TMCC2: variants seen among roughly 807,000 people sequenced by gnomAD.
TMCC2 encodes transmembrane and coiled-coil domain family 2.
A neutral mutation model predicts 49.4 loss-of-function variants in TMCC2; 16 were observed. The observed-to-expected ratio is 0.32, with a 90% confidence interval of 0.22 to 0.49. TMCC2 has a LOEUF of 0.49. Ranked by LOEUF, TMCC2 falls within the 20% of genes least tolerant of loss-of-function variation. TMCC2 has a pLI of 0.99. For missense variants in TMCC2, 762 were observed against 989.8 expected (o/e 0.77, Z 3.09); for synonymous variants, 397 against 434.1 (o/e 0.91, Z 1.06).
chr1:205,271,721 T>TA, intron 4 of TMCC2, 92 bp from the exon 5 acceptor site: 1 of 1,495,584 alleles, frequency 6.7e-7, no homozygotes, highest in Non-Finnish European at 8.9e-7. Flanking sequence ...GAGACTTCGT[T>TA]ATAGGCACCT....
chr1:205,262,975 T>G (rs1661175931), intron 2 of TMCC2, among the ~76,000 whole-genome samples: 1 of 152,040 alleles, frequency 6.6e-6, no homozygotes, highest in South Asian at 2.1e-4. Flanking sequence ...AGGGAGTTAA[T>G]TCAGATGGAA....
chr1:205,240,810 A>C (rs1023043856), intron 1 of TMCC2, among the ~76,000 whole-genome samples: 8 of 152,212 alleles, frequency 5.3e-5, no homozygotes, highest in Non-Finnish European at 1.0e-4. Flanking sequence ...TTTATCAGGA[A>C]AGCAAAAGTG....
chr1:205,246,819 A>T (rs770739485), intron 2 of TMCC2: 43 of 929,932 alleles, frequency 4.6e-5, no homozygotes, highest in Non-Finnish European at 6.9e-5. Flanking sequence ...TAGGGCTCCC[A>T]TGAAGACCTC....
At position 205,246,486 on chromosome 1, in the gene TMCC2, A is replaced by G. The variant is rs1011204372; in HGVS notation, c.747+4442A>G. On this transcript the variant is annotated intron_variant, in intron 2 of 4. Transcript: ENST00000358024. ...TGTCAGCATATAGATAGTATTTAAA[A>G]TGATGGGACTGAACCATTTGCAAGC... The G allele has an allele frequency of 3.5e-6, 5 of 1,445,106 alleles. No homozygotes were observed. In the African/African-American group the frequency reaches 7.2e-5, roughly 21 times the overall value. The allele number at this position is 1,445,106 out of a possible 1,614,324, so 89.5% of individuals were successfully genotyped here. A position where few individuals can be genotyped will look rare whatever the true frequency, so the allele number is the denominator to read the frequency against.
At chr1:205,267,425 C>T (rs1271611452) in intron 2 of TMCC2, among the ~76,000 whole-genome samples, 4 of 152,100 alleles carry the variant, frequency 2.6e-5, no homozygotes, top group Non-Finnish European at 5.9e-5. Flanking sequence ...ATATATCTGA[C>T]CACACCCCTG....
chr1:205,265,576 T>G (rs887279009), intron 2 of TMCC2, among the ~76,000 whole-genome samples: 3 of 151,638 alleles, frequency 2.0e-5, no homozygotes, highest in Non-Finnish European at 4.4e-5. Context: ...TTTTTTTTTT[T>G]TTTGAGACGG....
At chr1:205,229,219 C>T in intron 1 of TMCC2, 1 of 858,748 alleles carries the variant, frequency 1.2e-6, no homozygotes, top group Non-Finnish European at 1.4e-6. Context: ...GACGGAGTCT[C>T]GTTCTGTCGC....
chr1:205,240,805 C>T (rs956129721), intron 1 of TMCC2, among the ~76,000 whole-genome samples: 1 of 152,166 alleles, frequency 6.6e-6, no homozygotes, highest in African/African-American at 2.4e-5. Flanking sequence ...GTGCCTTTAT[C>T]AGGAAAGCAA....
Position 205,241,800 on chromosome 1 carries a change from A to G in TMCC2, c.503A>G (p.His168Arg). The G allele has an allele frequency of 6.2e-7, 1 of 1,608,006 alleles. No individual in the cohort carries two copies. Among genetic ancestry groups the G allele is most frequent in the Non-Finnish European group, 8.5e-7 (1 of 1,178,038 alleles). The change falls in exon 2 of 5, where the codon CAC becomes CGC. Residue 168 changes from histidine (H) to arginine (R), a missense_variant. By Grantham distance (29) the His-to-Arg change is conservative (BLOSUM62 0). Around this residue, in one of 2 missense-constraint regions of TMCC2, gnomAD observed 322 missense variants for 353.1 expected, o/e 0.91. Transcript: ENST00000358024. The surrounding 1 kb of genome is among the most constrained non-coding windows in gnomAD (Gnocchi z 7.3). ...TCCATCAAGCGGGGCGCCAGCCTGC[A>G]CAGCAGCAGTGGGGGCGGCAGCAGC... ...RPSIKRGASL[H>R]SSSGGGSSGS...
At chr1:205,271,695 C>A in intron 4 of TMCC2, 118 bp from the exon 5 acceptor site, 1 of 1,355,168 alleles carries the variant, frequency 7.4e-7, no homozygotes, top group Non-Finnish European at 9.9e-7. Context: ...CTCCACTCCT[C>A]CTGGCCTTTG....
In TMCC2 at chr1:205,228,641, C is replaced by G. The variant is rs779056134; in HGVS notation, c.77C>G (p.Ser26Cys). The change falls in exon 1 of 5, where the codon TCC becomes TGC. Residue 26 changes from serine to cysteine, a missense_variant. By Grantham distance (112) the Ser-to-Cys change is moderately radical (BLOSUM62 -1). This residue lies in a region of TMCC2 where 322 missense variants were observed against 353.1 expected (regional missense o/e 0.91). Coordinates refer to ENST00000358024, the MANE Select transcript of TMCC2 (RefSeq NM_014858.4). ...GGAGCTGGGCTGGAAGATGCCGCTT[C>G]CCACCTGCCGGGCGCGGACCTCCGG... is the stretch of plus-strand genomic sequence containing the variant. ...EDGAGLEDAASHLPGADLRPG... is the reference protein window; with the variant it reads ...EDGAGLEDAACHLPGADLRPG... The G allele has an allele frequency of 6.2e-7, 1 of 1,613,130 alleles. No homozygotes were observed. Among genetic ancestry groups the G allele is most frequent in the African/African-American group, 1.3e-5 (1 of 74,906 alleles).
At chr1:205,229,450 T>C (rs1359645270) in intron 1 of TMCC2, among the ~76,000 whole-genome samples, 1 of 147,930 alleles carries the variant, frequency 6.8e-6, no homozygotes, top group Non-Finnish European at 1.5e-5. Flanking sequence ...CCTTCCTAAG[T>C]GCTGGGATTA....
intron 2 of TMCC2, among the ~76,000 whole-genome samples, chr1:205,263,178 G>A (rs1185090944): frequency 1.3e-5 from 2 of 152,150 alleles, no homozygotes; most frequent in African/African-American, 4.8e-5. Flanking sequence ...AGACGGGGCT[G>A]GGTGGGCAAG....
At chr1:205,268,265 C>G (rs910448729) in intron 2 of TMCC2, among the ~76,000 whole-genome samples, 3 of 152,174 alleles carry the variant, frequency 2.0e-5, no homozygotes, top group Non-Finnish European at 4.4e-5. Flanking sequence ...AAATCCAACC[C>G]CATGACTCCA....
At chr1:205,266,240 C>CAAAAAAA (rs35034505) in intron 2 of TMCC2, among the ~76,000 whole-genome samples, 1 of 49,276 alleles carries the variant, frequency 2.0e-5, no homozygotes, top group Non-Finnish European at 4.3e-5. Context: ...GACTCTGTCT[C>CAAAAAAA]AAAAAAAAAA....
intron 4 of TMCC2, 168 bp downstream of exon 4, chr1:205,271,423 T>A: frequency 8.8e-7 from 1 of 1,141,140 alleles, no homozygotes; most frequent in Non-Finnish European, 1.3e-6. Context: ...CGGAGTGGAG[T>A]GAGCAAGACA....
intron 2 of TMCC2, among the ~76,000 whole-genome samples, chr1:205,245,220 G>C (rs1370260717): frequency 6.6e-6 from 1 of 152,184 alleles, no homozygotes; most frequent in Non-Finnish European, 1.5e-5. Flanking sequence ...ACAAAATGAG[G>C]GAGGAAGAGG....
intron 2 of TMCC2, among the ~76,000 whole-genome samples, chr1:205,265,673 G>C (rs550181209): frequency 6.6e-6 from 1 of 150,700 alleles, no homozygotes; most frequent in African/African-American, 2.4e-5. Context: ...AAATTCTCCT[G>C]CCTCAGCCTC....
chr1:205,266,195 T>C (rs1661319478), intron 2 of TMCC2, among the ~76,000 whole-genome samples: 1 of 141,646 alleles, frequency 7.1e-6, no homozygotes. Context: ...GAGCCAAGAT[T>C]GCGCCACTGC....
Sources: allele counts gnomAD v4.1 joint callset (sites outside exome capture counted in the v4.1 genomes callset), GRCh38; gene constraint gnomAD v4.1.1; regional missense constraint gnomAD v4.1.1; non-coding constraint Gnocchi (gnomAD v3.1); transcripts MANE v1.5; gene names NCBI Gene and HGNC (gene_info 2026-07-23, HGNC 2026-07-21).